UXS1: variants seen among roughly 807,000 people sequenced by gnomAD.
UXS1 encodes the protein UDP-glucuronic acid decarboxylase 1.
In UXS1, 33 loss-of-function variants were observed where a neutral mutation model predicts 62.6. The observed-to-expected ratio is 0.53, with a 90% confidence interval of 0.40 to 0.70. The LOEUF (loss-of-function observed/expected upper bound fraction) is 0.70, where lower values mean the gene tolerates loss of function less well. UXS1 is among the 30% of genes least tolerant of loss of function. The pLI, the probability that UXS1 is intolerant of heterozygous loss-of-function variation, is 0.00. For missense variants in UXS1, 434 were observed against 556.3 expected (o/e 0.78, Z 2.21); for synonymous variants, 213 against 206.8 (o/e 1.03, Z -0.26).
chr2:106,094,032 G>C lies in UXS1; in HGVS notation c.1272C>G (p.His424Gln). The change falls in exon 15 of 15, where the codon CAC (histidine) becomes CAG (glutamine). Residue 424 changes from histidine (H) to glutamine (Q), a missense_variant. By Grantham distance (24) the His-to-Gln change is conservative. This residue lies in a region of UXS1 where 209 missense variants were observed against 233.3 expected (regional missense o/e 0.90). Coordinates refer to ENST00000283148, the MANE Select transcript of UXS1 (RefSeq NM_001253875.2). ...TGTCCTAAAAGTGAGGAGTTCAGCT[G>C]TGGCGAGTCCGTCCTTTCTTTATTC... ...PARIKKGRTR[H>Q]S 6.2e-7 allele frequency: 1 copy of C among 1,612,078 alleles called. No individual in the cohort carries two copies. The highest frequency in any genetic ancestry group is 8.5e-7 in the Non-Finnish European group (1 of 1,179,454).
At chr2:106,149,629 A>G (rs36087858) in intron 5 of UXS1, among the ~76,000 whole-genome samples, 1 of 152,190 alleles carries the variant, frequency 6.6e-6, no homozygotes, top group African/African-American at 2.4e-5. Context: ...ATGAGCCAAT[A>G]AATTTGTTAT....
chr2:106,095,883 G>A (rs936718997), intron 14 of UXS1, among the ~76,000 whole-genome samples: 7 of 152,228 alleles, frequency 4.6e-5, no homozygotes, highest in African/African-American at 1.7e-4. Flanking sequence ...CCCAAGGCAG[G>A]AAGGGCACAG....
intron 9 of UXS1, among the ~76,000 whole-genome samples, chr2:106,118,145 G>A (rs1167427380): frequency 1.3e-5 from 2 of 152,198 alleles, no homozygotes; most frequent in Admixed American, 1.3e-4. Context: ...CTGCTACTGG[G>A]CAGGTCCAGA....
intron 1 of UXS1, among the ~76,000 whole-genome samples, chr2:106,175,150 A>G (rs1192543548): frequency 6.6e-6 from 1 of 152,230 alleles, no homozygotes; most frequent in Non-Finnish European, 1.5e-5. Context: ...TCCAGTGCTC[A>G]GAGCAGGAAC....
At chr2:106,149,994 C>T (rs1681882389) in intron 5 of UXS1, among the ~76,000 whole-genome samples, 1 of 152,154 alleles carries the variant, frequency 6.6e-6, no homozygotes, top group South Asian at 2.1e-4. Context: ...GAGGAACATA[C>T]CACTGGAAAC....
rs1676886597 is a variant in UXS1 at position 106,094,174 on chromosome 2, C to A, written c.1147-17G>T. The A allele has an allele frequency of 6.2e-7, 1 of 1,607,278 alleles. No individual in the cohort carries two copies. Among genetic ancestry groups the A allele is most frequent in the Non-Finnish European group, 8.5e-7 (1 of 1,178,620 alleles). On this transcript the variant is annotated splice_polypyrimidine_tract_variant and intron_variant, in intron 14 of 14. Coordinates refer to ENST00000283148, the MANE Select transcript of UXS1 (RefSeq NM_001253875.2). ...CAGCGGGACCTGTTTAAAGGGAAAG[C>A]AAGAAAGGGAGACAAGGTCACATTG...
At chr2:106,110,141 A>G (rs1376551675) in intron 10 of UXS1, among the ~76,000 whole-genome samples, 1 of 152,178 alleles carries the variant, frequency 6.6e-6, no homozygotes, top group African/African-American at 2.4e-5. Flanking sequence ...CTGTGTGACA[A>G]AGGAAACAAA....
In UXS1 at chr2:106,127,594, A is replaced by T. The variant is rs114031543; in HGVS notation, c.578-1915T>A. On this transcript the variant is annotated intron_variant, in intron 7 of 14. Coordinates refer to ENST00000283148, the MANE Select transcript of UXS1 (RefSeq NM_001253875.2). ...CTGGGGGTTACGAAAAACTTTCATC[A>T]GAGAAAGAACTCTAGCACAGGGTCT... is the stretch of plus-strand genomic sequence containing the variant. Among the ~76,000 whole-genome samples the T allele has an allele frequency of 1.5e-3, 221 of 152,290 alleles. 1 individual carries two copies. Among genetic ancestry groups the T allele is most frequent in the African/African-American group, 5.0e-3 (209 of 41,558 alleles).
chr2:106,180,284 CTT>C (rs1684160546), intron 1 of UXS1, among the ~76,000 whole-genome samples: 1 of 152,226 alleles, frequency 6.6e-6, no homozygotes, highest in Non-Finnish European at 1.5e-5. Context: ...GGGAGCGATG[CTT>C]TCCATATACT....
intron 7 of UXS1, among the ~76,000 whole-genome samples, chr2:106,127,356 CT>C (rs760288836): frequency 3.9e-5 from 6 of 152,198 alleles, no homozygotes; most frequent in African/African-American, 1.4e-4. Context: ...ATATTCCCCC[CT>C]ACCTGAGTTC....
At chr2:106,188,249 G>C (rs1198133026) in intron 1 of UXS1, among the ~76,000 whole-genome samples, 15 of 152,116 alleles carry the variant, frequency 9.9e-5, no homozygotes, top group Admixed American at 8.5e-4. Flanking sequence ...ACAGGGAGAA[G>C]GGGAAGGGAG....
intron 5 of UXS1, among the ~76,000 whole-genome samples, chr2:106,155,063 C>T (rs11682411): frequency 0.049 from 7,430 of 152,132 alleles, 262 homozygotes; most frequent in South Asian, 0.081. Context: ...TTTTAACAAT[C>T]AGGTCTTGTG....
intron 6 of UXS1, among the ~76,000 whole-genome samples, chr2:106,144,119 A>G (rs558199768): frequency 6.6e-6 from 1 of 152,366 alleles, no homozygotes; most frequent in Admixed American, 6.5e-5. Context: ...AGGCCCTGTC[A>G]CATGTATGAC....
intron 9 of UXS1, 98 bp downstream of exon 9, chr2:106,122,872 C>CA (rs1324478251): frequency 6.6e-7 from 1 of 1,503,816 alleles, no homozygotes; most frequent in African/African-American, 1.4e-5. Context: ...TATCCCCAGA[C>CA]AAAATCAGTC....
At chr2:106,128,385 A>T (rs1237523585) in intron 7 of UXS1, among the ~76,000 whole-genome samples, 1 of 152,200 alleles carries the variant, frequency 6.6e-6, no homozygotes, top group Non-Finnish European at 1.5e-5. Context: ...AGGCCACAGG[A>T]TGCCCAGGTA....
intron 5 of UXS1, among the ~76,000 whole-genome samples, chr2:106,152,824 T>C (rs917229437): frequency 1.8e-4 from 27 of 151,786 alleles, no homozygotes; most frequent in African/African-American, 6.3e-4. Flanking sequence ...CCAGTCACGG[T>C]TGCCCCAACT....
rs553433235 is a variant in UXS1, at chr2:106,121,505, A to G, written c.759+1465T>C. On this transcript the variant is annotated intron_variant, in intron 9 of 14. Transcript: ENST00000283148. ...GGAACACATTCTAGAATAAAATGCA[A>G]TGATGTACCCCTGACACTCTAGTCA... is the stretch of plus-strand genomic sequence containing the variant. Among the ~76,000 whole-genome samples, 10 of 152,332 alleles carry G rather than the reference A, an allele frequency of 6.6e-5. No homozygotes were observed. The South Asian group carries it at 1.7e-3, about 25-fold the overall frequency.
chr2:106,151,623 G>T (rs114143716), intron 5 of UXS1, among the ~76,000 whole-genome samples: 1 of 151,966 alleles, frequency 6.6e-6, no homozygotes, highest in African/African-American at 2.4e-5. Flanking sequence ...CTGTTACAGC[G>T]GCACAAAACA....
chr2:106,192,107 C>CT (rs1249316693), intron 1 of UXS1, among the ~76,000 whole-genome samples: 10 of 152,200 alleles, frequency 6.6e-5, no homozygotes, highest in Non-Finnish European at 2.9e-5. Flanking sequence ...ATGCTTAAGT[C>CT]TGAGAATCAA....
Sources: gnomAD v4.1 joint callset for allele counts (sites outside exome capture counted in the v4.1 genomes callset) on GRCh38, gnomAD v4.1.1 for gene constraint, gnomAD v4.1.1 regional missense constraint, MANE v1.5 for transcripts, NCBI Gene and HGNC (gene_info 2026-07-23, HGNC 2026-07-21) for gene names.